Variants in FAM171A1 observed in about 807,000 individuals in gnomAD.
The protein encoded by FAM171A1 is protein FAM171A1.
A neutral mutation model predicts 74.9 loss-of-function variants in FAM171A1; 23 were observed. The observed-to-expected ratio is 0.31, with a 90% CI of 0.22 to 0.44. FAM171A1 has a LOEUF of 0.44. Ranked by LOEUF, FAM171A1 falls within the 20% of genes least tolerant of loss-of-function variation. FAM171A1 has a pLI of 1.00. For missense variants in FAM171A1, 1,162 were observed against 1,159.2 expected, an observed-to-expected ratio of 1.00 and a Z score of -0.03; for synonymous variants, 527 against 505.7, an observed-to-expected ratio of 1.04 and a Z score of -0.57.
intron 1 of FAM171A1, among the ~76,000 whole-genome samples, chr10:15,303,889 A>G (rs1835262645): frequency 6.6e-6 from 1 of 152,198 alleles, no homozygotes; most frequent in Non-Finnish European, 1.5e-5. Flanking sequence ...TTCACGTATG[A>G]AAGAGATTAA....
intron 1 of FAM171A1, among the ~76,000 whole-genome samples, chr10:15,350,741 C>T (rs530758936): frequency 4.6e-5 from 7 of 151,780 alleles, no homozygotes; most frequent in East Asian, 3.9e-4. Context: ...CAGGTTCGAG[C>T]GATCGATACT....
rs1304094738 is a variant in FAM171A1, at chr10:15,368,177, T to C, written c.97+2779A>G. Among the ~76,000 whole-genome samples, 4 of 152,246 alleles carry C rather than the reference T, an allele frequency of 2.6e-5. No individual in the cohort carries two copies. In the East Asian group the frequency reaches 7.7e-4, roughly 29 times the overall value. On this transcript the variant is annotated intron_variant, in intron 1 of 7. Coordinates refer to ENST00000378116, the MANE Select transcript of FAM171A1 (RefSeq NM_001010924.2). ...ATTCATGATAAACAAAGCCAACCCT[T>C]ACCGTGACAACTGACTGTGGCATTG...
At chr10:15,259,294 A>T (rs962777430) in intron 3 of FAM171A1, among the ~76,000 whole-genome samples, 1 of 152,108 alleles carries the variant, frequency 6.6e-6, no homozygotes. Context: ...CACCTCAACT[A>T]TTGTGAAAGC....
At chr10:15,265,189 T>C (rs1369742184) in intron 3 of FAM171A1, among the ~76,000 whole-genome samples, 3 of 152,136 alleles carry the variant, frequency 2.0e-5, no homozygotes, top group African/African-American at 7.2e-5. Context: ...GGCCGATTTA[T>C]AATATGCTCA....
intron 5 of FAM171A1, among the ~76,000 whole-genome samples, chr10:15,229,798 T>A (rs1432892941): frequency 0.034 from 469 of 13,926 alleles, 18 homozygotes; most frequent in Middle Eastern, 0.12. Context: ...ACCATCACCA[T>A]CATCACCATC....
chr10:15,308,130 T>G (rs1835319170), intron 1 of FAM171A1, among the ~76,000 whole-genome samples: 1 of 152,172 alleles, frequency 6.6e-6, no homozygotes, highest in African/African-American at 2.4e-5. Flanking sequence ...CATTAGGAAG[T>G]GTTAAACAAT....
intron 1 of FAM171A1, among the ~76,000 whole-genome samples, chr10:15,339,941 T>C (rs1437849613): frequency 6.6e-6 from 1 of 152,106 alleles, no homozygotes; most frequent in Non-Finnish European, 1.5e-5. Flanking sequence ...TTTCTCCTTA[T>C]AAAACCATCA....
intron 5 of FAM171A1, among the ~76,000 whole-genome samples, chr10:15,224,927 C>G (rs1834085615): frequency 6.6e-6 from 1 of 152,172 alleles, no homozygotes; most frequent in Non-Finnish European, 1.5e-5. Context: ...AAATGTAGCT[C>G]CAACCTCATA....
At chr10:15,336,079 T>C (rs2131864829) in intron 1 of FAM171A1, among the ~76,000 whole-genome samples, 1 of 152,266 alleles carries the variant, frequency 6.6e-6, no homozygotes, top group South Asian at 2.1e-4. Context: ...TGTGAAATGT[T>C]TGATTTATAC....
intron 1 of FAM171A1, among the ~76,000 whole-genome samples, chr10:15,334,084 A>G (rs1280479580): frequency 1.3e-5 from 2 of 152,076 alleles, no homozygotes; most frequent in Non-Finnish European, 2.9e-5. Flanking sequence ...CCAGCCCTAA[A>G]CATGGACATG....
chr10:15,373,803 T>G (rs1836175463), upstream of FAM171A1, among the ~76,000 whole-genome samples: 1 of 152,252 alleles, frequency 6.6e-6, no homozygotes. Flanking sequence ...CACTGGTGTT[T>G]GTGATCTTAG....
intron 1 of FAM171A1, among the ~76,000 whole-genome samples, chr10:15,288,795 C>A (rs1235830339): frequency 5.7e-5 from 8 of 139,650 alleles, no homozygotes; most frequent in African/African-American, 2.1e-4. Flanking sequence ...AACAAAATGT[C>A]AGTATGATTC....
chr10:15,230,946 T>C (rs928118553), intron 5 of FAM171A1, among the ~76,000 whole-genome samples: 2 of 152,192 alleles, frequency 1.3e-5, no homozygotes, highest in South Asian at 4.1e-4. Flanking sequence ...TGCAATTACA[T>C]GTCAGAAGGG....
At chr10:15,230,643 A>AT (rs111610537) in intron 5 of FAM171A1, among the ~76,000 whole-genome samples, 21,866 of 151,688 alleles carry the variant, frequency 0.14, 1,685 homozygotes, top group Middle Eastern at 0.19. Context: ...TAAGCAACTG[A>AT]TTTTTTTTTC....
chr10:15,230,555 T>C (rs1485067208), intron 5 of FAM171A1, among the ~76,000 whole-genome samples: 1 of 152,216 alleles, frequency 6.6e-6, no homozygotes, highest in African/African-American at 2.4e-5. Flanking sequence ...ATATTAGAAA[T>C]TAACACGATG....
intron 3 of FAM171A1, among the ~76,000 whole-genome samples, chr10:15,256,989 T>C (rs1006457454): frequency 6.6e-6 from 1 of 152,230 alleles, no homozygotes; most frequent in African/African-American, 2.4e-5. Flanking sequence ...AGGAAATATA[T>C]GTTATCTACT....
chr10:15,267,732 C>T (rs763278546), intron 3 of FAM171A1, among the ~76,000 whole-genome samples: 2 of 150,880 alleles, frequency 1.3e-5, no homozygotes, highest in Non-Finnish European at 2.9e-5. Flanking sequence ...CCTGTAGAGA[C>T]TTGAGAGGAG....
intron 5 of FAM171A1, among the ~76,000 whole-genome samples, chr10:15,238,399 G>A (rs1383645617): frequency 5.9e-5 from 9 of 152,112 alleles, no homozygotes; most frequent in Admixed American, 5.2e-4. Flanking sequence ...CAATTGATGA[G>A]CCTGCATTCA....
At chr10:15,237,697 A>T (rs1410181930) in intron 5 of FAM171A1, 2 of 151,696 alleles carry the variant, frequency 1.3e-5, no homozygotes, top group South Asian at 2.1e-4. Context: ...CTGTCATCAC[A>T]CCCAAACAAG....
Sources: allele counts gnomAD v4.1 joint callset (sites outside exome capture counted in the v4.1 genomes callset), GRCh38; gene constraint gnomAD v4.1.1; transcripts MANE v1.5; gene names NCBI Gene and HGNC (gene_info 2026-07-23, HGNC 2026-07-21).